Variants in HDAC9 observed in about 807,000 individuals in gnomAD.
HDAC9 encodes the protein histone deacetylase 9, also known as MEF-2 interacting transcription repressor (MITR) protein.
A neutral mutation model predicts 139.4 loss-of-function variants in HDAC9; 41 were observed. The observed-to-expected ratio is 0.29, with a 90% CI of 0.23 to 0.38. HDAC9 has a LOEUF of 0.38. Among genes scored for constraint, HDAC9 ranks in the 10% least tolerant of loss-of-function variants. The pLI is 1.00. For missense variants in HDAC9, 1,147 were observed against 1,297.0 expected, an observed-to-expected ratio of 0.88 and a Z score of 1.78; for synonymous variants, 517 against 476.2, an observed-to-expected ratio of 1.09 and a Z score of -1.12.
At chr7:18,727,807 C>G in intron 13 of HDAC9, 50 bp downstream of exon 13, 1 of 1,337,488 alleles carries the variant, frequency 7.5e-7, no homozygotes, top group South Asian at 1.7e-5. Flanking sequence ...ATGCCCCGTT[C>G]TTGTAGGATT....
intron 2 of HDAC9, among the ~76,000 whole-genome samples, chr7:18,575,784 G>A (rs1356836060): frequency 2.6e-5 from 4 of 152,216 alleles, no homozygotes; most frequent in African/African-American, 9.6e-5. Context: ...ACATATACAT[G>A]CAGATGTGCA....
intron 2 of HDAC9, among the ~76,000 whole-genome samples, chr7:18,257,580 C>T (rs538771373): frequency 1.7e-4 from 26 of 152,128 alleles, no homozygotes; most frequent in African/African-American, 4.6e-4. Flanking sequence ...AAAGAGTGAA[C>T]GGTAGGAGGT....
At chr7:18,738,683 G>T (rs147015196) in intron 13 of HDAC9, among the ~76,000 whole-genome samples, 1 of 152,126 alleles carries the variant, frequency 6.6e-6, no homozygotes, top group Admixed American at 6.5e-5. Flanking sequence ...GTGTCTGGCT[G>T]CCCTTAACAC....
intron 1 of HDAC9, among the ~76,000 whole-genome samples, chr7:18,475,334 C>T (rs1406207999): frequency 6.6e-6 from 1 of 152,152 alleles, no homozygotes; most frequent in South Asian, 2.1e-4. Flanking sequence ...AAGTTAAATT[C>T]TTTGAGTCAC....
At chr7:18,271,597 C>G (rs987565148) in intron 2 of HDAC9, among the ~76,000 whole-genome samples, 8 of 152,158 alleles carry the variant, frequency 5.3e-5, no homozygotes, top group African/African-American at 1.7e-4. Flanking sequence ...TTCATGCATC[C>G]CTCAGCATGA....
chr7:18,987,356 T>C (rs1785450196), intron 25 of HDAC9, among the ~76,000 whole-genome samples: 1 of 152,252 alleles, frequency 6.6e-6, no homozygotes, highest in Non-Finnish European at 1.5e-5. Flanking sequence ...TCTGTTTATA[T>C]GCTGGATTAC....
intron 1 of HDAC9, among the ~76,000 whole-genome samples, chr7:18,461,300 T>C (rs1249845714): frequency 1.3e-5 from 2 of 152,210 alleles, no homozygotes; most frequent in Non-Finnish European, 2.9e-5. Flanking sequence ...AAATCTGTTA[T>C]GTAATGCTTA....
At chr7:18,229,984 A>G (rs1793339385) in intron 2 of HDAC9, among the ~76,000 whole-genome samples, 1 of 152,160 alleles carries the variant, frequency 6.6e-6, no homozygotes, top group Non-Finnish European at 1.5e-5. Context: ...AATAAGAGAG[A>G]GAAAAATAGT....
At chr7:18,493,983 A>C (rs1433815483), upstream of HDAC9, among the ~76,000 whole-genome samples, 2 of 151,968 alleles carry the variant, frequency 1.3e-5, no homozygotes, top group Non-Finnish European at 2.9e-5. Flanking sequence ...GATAGTTACT[A>C]CTTCAGTACA....
intron 1 of HDAC9, among the ~76,000 whole-genome samples, chr7:18,301,084 T>TC (rs1798508773): frequency 6.6e-6 from 1 of 151,160 alleles, no homozygotes; most frequent in Non-Finnish European, 1.5e-5. Flanking sequence ...TGTTTTTTTT[T>TC]CCCGCAATGC....
intron 12 of HDAC9, among the ~76,000 whole-genome samples, chr7:18,694,506 T>A (rs1782897759): frequency 2.6e-5 from 4 of 152,168 alleles, no homozygotes. Flanking sequence ...AACTGGTTTA[T>A]CTCCAAAGTT....
At chr7:18,496,169 A>C in intron 1 of HDAC9, 93 bp from the exon 2 acceptor site, 3 of 1,462,538 alleles carry the variant, frequency 2.1e-6, no homozygotes, top group South Asian at 1.2e-5. Flanking sequence ...GGGCCGGTGC[A>C]CTGAGCAGTG....
intron 25 of HDAC9, among the ~76,000 whole-genome samples, chr7:18,991,751 A>C (rs1472209331): frequency 1.3e-5 from 2 of 152,270 alleles, no homozygotes; most frequent in Non-Finnish European, 2.9e-5. Flanking sequence ...TGGCTTACTA[A>C]AATTCAAATC....
intron 12 of HDAC9, among the ~76,000 whole-genome samples, chr7:18,713,615 G>T (rs896411160): frequency 6.6e-6 from 1 of 151,876 alleles, no homozygotes; most frequent in Admixed American, 6.6e-5. Flanking sequence ...AAGGATGTAG[G>T]GCATTTATGC....
At chr7:18,965,695 A>G (rs1783798783) in intron 24 of HDAC9, among the ~76,000 whole-genome samples, 1 of 152,222 alleles carries the variant, frequency 6.6e-6, no homozygotes, top group Admixed American at 6.5e-5. Context: ...GTGAGCTGCG[A>G]GGGAGCAGAG....
At chr7:18,897,420 T>C (rs1347657696) in intron 22 of HDAC9, among the ~76,000 whole-genome samples, 2 of 151,980 alleles carry the variant, frequency 1.3e-5, no homozygotes, top group Admixed American at 6.6e-5. Context: ...TCTTAGAATA[T>C]AGCTATAAGA....
chr7:18,211,560 C>G (rs189081012), intron 2 of HDAC9, among the ~76,000 whole-genome samples: 8 of 152,242 alleles, frequency 5.3e-5, no homozygotes, highest in East Asian at 3.9e-4. Context: ...ACAAAATTAT[C>G]GAGACATCCA....
At chr7:18,719,385 G>A (rs956014268) in intron 12 of HDAC9, among the ~76,000 whole-genome samples, 1 of 119,658 alleles carries the variant, frequency 8.4e-6, no homozygotes, top group African/African-American at 3.5e-5. Context: ...TGTCGCCCAG[G>A]CTGGAGTGCA....
chr7:18,089,917 G>T (rs1389584093), intron 1 of HDAC9, among the ~76,000 whole-genome samples: 1 of 139,682 alleles, frequency 7.2e-6, no homozygotes, highest in Non-Finnish European at 1.6e-5. Flanking sequence ...TGCTTCATTG[G>T]TTTTTTTTTG....
Sources: gnomAD v4.1 joint callset for allele counts (sites outside exome capture counted in the v4.1 genomes callset) on GRCh38, gnomAD v4.1.1 for gene constraint, MANE v1.5 for transcripts, NCBI Gene and HGNC (gene_info 2026-07-23, HGNC 2026-07-21) for gene names.